The following TNRC18 variants were observed in gnomAD, a reference collection of about 807,000 sequenced individuals.
TNRC18 encodes trinucleotide repeat-containing gene 18 protein.
A neutral mutation model predicts 226.7 loss-of-function variants in TNRC18; 69 were observed. That is an observed-to-expected ratio of 0.30 (90% confidence interval 0.25 to 0.37). TNRC18 has a LOEUF of 0.37. TNRC18 is among the 10% of genes least tolerant of loss of function. TNRC18 has a pLI of 1.00. For synonymous variants in TNRC18, 2,449 were observed against 1,927.6 expected (o/e 1.27, Z -7.09); for missense variants, 4,754 against 4,256.6 (o/e 1.12, Z -3.25).
intron 16 of TNRC18, 104 bp downstream of exon 16, chr7:5,356,812 G>T: frequency 7.4e-7 from 1 of 1,345,956 alleles, no homozygotes; most frequent in African/African-American, 1.8e-5. Context: ...GAGCGAGAGC[G>T]AGAGAGAGAG....
In TNRC18 at chr7:5,311,576, G is replaced by T. The variant is rs1787213450; in HGVS notation, c.8388+927C>A. ...CACCTGGAATTCCAGCACTCTGGGA[G>T]GCTGAGGCGGGAGGATCACTTGAGC... On this transcript the variant is annotated intron_variant, in intron 27 of 29. Coordinates refer to ENST00000430969, the MANE Select transcript of TNRC18 (RefSeq NM_001080495.3). Among the ~76,000 whole-genome samples the T allele has an allele frequency of 3.3e-5, 5 of 152,354 alleles. No individual in the cohort carries two copies. In the South Asian group the frequency reaches 1.0e-3, roughly 32 times the overall value.
rs762018514 is a variant in TNRC18 at position 5,312,821 on chromosome 7, C to A, written c.8070G>T (p.Thr2690=). 2.6e-6 allele frequency: 4 copies of A among 1,530,510 alleles called. No individual in the cohort carries two copies. The highest frequency in any genetic ancestry group is 2.6e-5 in the South Asian group (2 of 77,488). The allele number at this position is 1,530,510 out of a possible 1,614,324, so 94.8% of individuals were successfully genotyped here. A position where few individuals can be genotyped will look rare whatever the true frequency, so the allele number is the denominator to read the frequency against. Residue 2690 remains threonine, a synonymous_variant, in exon 27 of 30, where the codon ACG becomes ACT. Coordinates refer to ENST00000430969, the MANE Select transcript of TNRC18 (RefSeq NM_001080495.3). The surrounding 1 kb of genome is among the most constrained non-coding windows in gnomAD (Gnocchi z 6.3). ...SSDDEAAPAP[T]AGPSAQAALP... The stretch of plus-strand genomic sequence containing the variant: ...GCGCCGCCTGCGCGGAAGGGCCAGC[C>A]GTGGGGGCGGGGGCTGCCTCATCGT...
intron 5 of TNRC18, among the ~76,000 whole-genome samples, chr7:5,383,236 A>G (rs560637714): frequency 6.6e-6 from 1 of 152,234 alleles, no homozygotes; most frequent in East Asian, 1.9e-4. Context: ...CTTCTTGGGC[A>G]TGGGGGCTCT....
chr7:5,420,550 C>T, intron 2 of TNRC18: 1 of 445,514 alleles, frequency 2.2e-6, no homozygotes, highest in Non-Finnish European at 4.5e-6. Flanking sequence ...CCGCATCCCC[C>T]GGCGTACTCC....
chr7:5,320,497 C>T, intron 23 of TNRC18, 35 bp downstream of exon 23: 7 of 1,576,252 alleles, frequency 4.4e-6, no homozygotes, highest in Non-Finnish European at 5.2e-6. Context: ...CCAGCCCACC[C>T]CGAGCCTCCC....
rs544711369 is a variant in TNRC18 at position 5,344,912 on chromosome 7, G to C, written c.5719+650C>G. Among the ~76,000 whole-genome samples the C allele has an allele frequency of 2.0e-5, 3 of 152,252 alleles. No homozygotes were observed. The South Asian group carries it at 6.2e-4, about 32-fold the overall frequency. On this transcript the variant is annotated intron_variant, in intron 18 of 29. Transcript: ENST00000430969. ...GAGATGGAGAGACAGGAAAGACATG[G>C]ACCGGGGTAAGCGCCAGCTGCCTGC...
In TNRC18 at chr7:5,398,416, C is replaced by T. The variant is rs929175569; in HGVS notation, c.188-3821G>A. Among the ~76,000 whole-genome samples the T allele has an allele frequency of 5.3e-5, 8 of 152,218 alleles. No homozygotes were observed. The South Asian group carries it at 8.3e-4, about 16-fold the overall frequency. On this transcript the variant is annotated intron_variant, in intron 2 of 29. Transcript: ENST00000430969. ...AACTCCCAACCTCAGGTGATCCACC[C>T]GCCTCATCCTCCCAAAGTGCTGGGA...
intron 19 of TNRC18, among the ~76,000 whole-genome samples, chr7:5,331,995 G>C (rs938211073): frequency 4.6e-5 from 7 of 152,138 alleles, no homozygotes; most frequent in Non-Finnish European, 8.8e-5. Context: ...ATCCCTAAAG[G>C]AATGTATAGG....
At position 5,388,146 on chromosome 7, in the gene TNRC18, G is replaced by A. The variant is rs868195258; in HGVS notation, c.1678C>T (p.Arg560Cys). The A allele has an allele frequency of 6.4e-6, 10 of 1,564,120 alleles. No individual in the cohort carries two copies. The highest frequency in any genetic ancestry group is 3.8e-5 in the Admixed American group (2 of 52,806). ...GGCCGGCCGCAGGTGGCCGCCGAGC[G>A]GGGCAGCACAGCCCCAGGGTCCAGG... The part of the protein sequence containing the change: ...AYLDPGAVLP[R>C]SAATCGRPVA... The change falls in exon 5 of 30, where the codon CGC becomes TGC. Residue 560 changes from arginine (R) to cysteine (C), a missense_variant. Transcript: ENST00000430969.
In TNRC18 at chr7:5,349,373, A is replaced by G. The variant is rs151070350; in HGVS notation, c.5470+2446T>C. 3.1e-3 allele frequency among the ~76,000 whole-genome samples: 473 copies of G among 152,190 alleles called. 1 individual carries two copies. Among genetic ancestry groups the G allele is most frequent in the Non-Finnish European group, 4.8e-3 (325 of 68,018 alleles). On this transcript the variant is annotated intron_variant, in intron 17 of 29. Coordinates refer to ENST00000430969, the MANE Select transcript of TNRC18 (RefSeq NM_001080495.3). ...GAGGGCTGGGGACAGGGAGGGGGGA[A>G]AAAAGTCCCATCAAAGTAACCCAAG... is the stretch of plus-strand genomic sequence containing the variant.
chr7:5,408,185 A>G (rs1032329190), intron 2 of TNRC18, among the ~76,000 whole-genome samples: 7 of 151,782 alleles, frequency 4.6e-5, no homozygotes, highest in Non-Finnish European at 1.0e-4. Flanking sequence ...TCTAGTCCCC[A>G]CTACTCAGGA....
chr7:5,382,909 T>TGGG (rs1347129839), intron 5 of TNRC18, among the ~76,000 whole-genome samples: 3 of 152,062 alleles, frequency 2.0e-5, no homozygotes, highest in African/African-American at 7.2e-5. Flanking sequence ...TTTCTATTTT[T>TGGG]GGGGTGGGGG....
At chr7:5,376,528 C>T (rs528475008) in intron 8 of TNRC18, among the ~76,000 whole-genome samples, 35 of 152,236 alleles carry the variant, frequency 2.3e-4, no homozygotes, top group Middle Eastern at 3.2e-3. Flanking sequence ...ACCTAGGGAA[C>T]GCCTTCTCCC....
rs866070564 is a variant in TNRC18, at chr7:5,332,909, C to G, written c.5860G>C (p.Asp1954His). Residue 1954 changes from aspartate to histidine, a missense_variant, in exon 19 of 30, where the codon GAC becomes CAC. Asp to His is a moderately conservative substitution (Grantham distance 81). Coordinates refer to ENST00000430969, the MANE Select transcript of TNRC18 (RefSeq NM_001080495.3). ...AAPTPGARGPDPSSPDKAKLA... is the reference protein window; with the variant it reads ...AAPTPGARGPHPSSPDKAKLA... ...TTGGCCTTGTCTGGGCTGCTGGGGT[C>G]GGGACCGCGGGCGCCAGGCGTGGGT... 1.3e-6 allele frequency: 2 copies of G among 1,536,884 alleles called. No individual in the cohort carries two copies. Among genetic ancestry groups the G allele is most frequent in the Middle Eastern group, 2.0e-4 (1 of 4,906 alleles).
rs1191882256 is a variant in TNRC18, at chr7:5,389,126, G to A, written c.698C>T (p.Ser233Leu). 5 of 1,320,708 alleles carry A rather than the reference G, an allele frequency of 3.8e-6. No homozygotes were observed. In the South Asian group the frequency reaches 5.0e-5, roughly 13 times the overall value. 81.8% of individuals were successfully genotyped at this position (1,320,708 alleles called of 1,614,324 possible). A position where few individuals can be genotyped will look rare whatever the true frequency, so the allele number is the denominator to read the frequency against. ...KDPRARGEEASGPRGVVDLTQ... is the reference protein window; with the variant it reads ...KDPRARGEEALGPRGVVDLTQ... ...CAGGTCCACCACGCCCCGTGGCCCCGAGGCCTCCTCGCCCCGGGCGCGCGG... is the reference window on the plus strand; with the variant it reads ...CAGGTCCACCACGCCCCGTGGCCCCAAGGCCTCCTCGCCCCGGGCGCGCGG... Residue 233 changes from serine (S) to leucine (L), a missense_variant, in exon 5 of 30, where the codon TCG (serine) becomes TTG (leucine). Transcript: ENST00000430969.
intron 25 of TNRC18, 64 bp from the exon 26 acceptor site, chr7:5,315,212 C>T (rs1004762173): frequency 6.6e-6 from 10 of 1,526,060 alleles, no homozygotes; most frequent in African/African-American, 2.7e-5. Context: ...CTTCCAAGAC[C>T]CTGGTCTGTC....
intron 18 of TNRC18, among the ~76,000 whole-genome samples, chr7:5,340,047 G>GA (rs1790535464): frequency 6.6e-6 from 1 of 152,134 alleles, no homozygotes; most frequent in African/African-American, 2.4e-5. Flanking sequence ...CAAGTGAATT[G>GA]AAGAGTCACA....
At chr7:5,330,673 C>A (rs1015019619) in intron 19 of TNRC18, among the ~76,000 whole-genome samples, 1 of 151,838 alleles carries the variant, frequency 6.6e-6, no homozygotes, top group South Asian at 2.1e-4. Flanking sequence ...TACCTGGTAG[C>A]ATTATTATTT....
At chr7:5,317,427 T>C (rs1309246338) in intron 24 of TNRC18, among the ~76,000 whole-genome samples, 1 of 151,990 alleles carries the variant, frequency 6.6e-6, no homozygotes, top group Non-Finnish European at 1.5e-5. Context: ...CTATCTCTAC[T>C]AAAAATACAA....
Sources: allele counts gnomAD v4.1 joint callset (sites outside exome capture counted in the v4.1 genomes callset), GRCh38; gene constraint gnomAD v4.1.1; non-coding constraint Gnocchi (gnomAD v3.1); transcripts MANE v1.5; gene names NCBI Gene and HGNC (gene_info 2026-07-23, HGNC 2026-07-21).